The following BBX variants were observed in gnomAD, a reference collection of about 807,000 sequenced individuals.
BBX encodes the protein HMG box transcription factor BBX.
A neutral mutation model predicts 100.2 loss-of-function variants in BBX; 30 were observed. The ratio of observed to expected loss-of-function variants is 0.30; its 90% CI spans 0.22 to 0.41. The LOEUF is 0.41. BBX is among the 10% of genes least tolerant of loss of function. BBX has a pLI of 1.00. For synonymous variants in BBX, 376 were observed against 388.1 expected, an observed-to-expected ratio of 0.97 and a Z score of 0.37; for missense variants, 1,023 against 1,129.8, an observed-to-expected ratio of 0.91 and a Z score of 1.35.
At chr3:107,559,130 T>C (rs759911187) in intron 2 of BBX, among the ~76,000 whole-genome samples, 16 of 152,330 alleles carry the variant, frequency 1.1e-4, no homozygotes, top group Middle Eastern at 3.4e-3. Flanking sequence ...TTGTTCAACA[T>C]TGGTTTGAGG....
chr3:107,754,012 C>T (rs1037626848), intron 9 of BBX, among the ~76,000 whole-genome samples: 1 of 152,174 alleles, frequency 6.6e-6, no homozygotes, highest in African/African-American at 2.4e-5. Flanking sequence ...CACTGCCCTA[C>T]ACTAGCATCA....
chr3:107,596,266 G>T lies in BBX; in HGVS notation c.-83-49570G>T, dbSNP rs190960601. ...GAATGCAGGGGTTGGGGGCAGGAAT[G>T]GGGGTAGGGACTTCATGCAGTCATT... On this transcript the variant is annotated intron_variant, in intron 2 of 17. Coordinates refer to ENST00000325805, the MANE Select transcript of BBX (RefSeq NM_001142568.3). Among the ~76,000 whole-genome samples the T allele has an allele frequency of 3.9e-5, 6 of 152,228 alleles. No individual in the cohort carries two copies. In the East Asian group the frequency reaches 1.2e-3, roughly 29 times the overall value.
At chr3:107,717,000 A>G (rs2062153586) in intron 5 of BBX, 151 bp downstream of exon 5, 2 of 1,033,924 alleles carry the variant, frequency 1.9e-6, no homozygotes, top group African/African-American at 1.6e-5. Flanking sequence ...CTTTCTTTGT[A>G]TGACTTGTTC....
chr3:107,659,160 T>C (rs984435301), intron 3 of BBX, among the ~76,000 whole-genome samples: 2 of 151,942 alleles, frequency 1.3e-5, no homozygotes, highest in Non-Finnish European at 2.9e-5. Flanking sequence ...ATCAGTCTGA[T>C]GAGAGGTAGG....
chr3:107,787,074 A>G (rs2068507323), intron 13 of BBX, among the ~76,000 whole-genome samples: 1 of 152,236 alleles, frequency 6.6e-6, no homozygotes, highest in Non-Finnish European at 1.5e-5. Context: ...GGAAATGCAT[A>G]TCAAAACCAC....
chr3:107,601,197 C>G (rs957592173), intron 2 of BBX, among the ~76,000 whole-genome samples: 1 of 152,148 alleles, frequency 6.6e-6, no homozygotes, highest in Non-Finnish European at 1.5e-5. Context: ...ACTGGCCGTT[C>G]CCATCTTTCT....
intron 2 of BBX, among the ~76,000 whole-genome samples, chr3:107,554,594 A>AT (rs1477544683): frequency 6.6e-6 from 1 of 152,152 alleles, no homozygotes; most frequent in Non-Finnish European, 1.5e-5. Flanking sequence ...TAACTTATGC[A>AT]TTTTTTATTC....
chr3:107,570,348 C>T (rs1219077143), intron 2 of BBX, among the ~76,000 whole-genome samples: 3 of 151,896 alleles, frequency 2.0e-5, no homozygotes, highest in African/African-American at 4.8e-5. Context: ...TTTCTAATGT[C>T]GGGGGCGGGT....
chr3:107,669,414 G>A (rs1043349022), intron 3 of BBX, among the ~76,000 whole-genome samples: 1 of 152,076 alleles, frequency 6.6e-6, no homozygotes, highest in East Asian at 1.9e-4. Context: ...TATAGTAAAA[G>A]GCAAAGGAAG....
In BBX at chr3:107,693,262, A is replaced by G. The variant is rs538733506; in HGVS notation, c.-9-17190A>G. ...CATTGCTGTTGGTGTTTTAGACATG[A>G]AGTCCTTGTCCATGCCTATGTCCTG... is the stretch of plus-strand genomic sequence containing the variant. On this transcript the variant is annotated intron_variant, in intron 3 of 17. Coordinates refer to ENST00000325805, the MANE Select transcript of BBX (RefSeq NM_001142568.3). 4.3e-4 allele frequency among the ~76,000 whole-genome samples: 65 copies of G among 151,906 alleles called. 1 individual carries two copies. The highest frequency in any genetic ancestry group is 1.2e-3 in the South Asian group (6 of 4,824).
At chr3:107,710,413 C>T (rs2061641534) in intron 3 of BBX, 39 bp from the exon 4 acceptor site, 7 of 1,495,542 alleles carry the variant, frequency 4.7e-6, no homozygotes, top group Non-Finnish European at 6.4e-6. Context: ...CTCTTTCTCT[C>T]CCTGTTTCCC....
chr3:107,576,917 T>C (rs2051826601), intron 2 of BBX, among the ~76,000 whole-genome samples: 1 of 152,118 alleles, frequency 6.6e-6, no homozygotes, highest in African/African-American at 2.4e-5. Context: ...CTGTAGTGCA[T>C]TGGGGCGATC....
At chr3:107,696,522 G>T (rs1017791848) in intron 3 of BBX, among the ~76,000 whole-genome samples, 1 of 151,616 alleles carries the variant, frequency 6.6e-6, no homozygotes, top group African/African-American at 2.4e-5. Context: ...GTTGAATACT[G>T]GCCCCCACTC....
At chr3:107,705,938 T>C (rs2061366833) in intron 3 of BBX, among the ~76,000 whole-genome samples, 1 of 152,054 alleles carries the variant, frequency 6.6e-6, no homozygotes, top group Admixed American at 6.6e-5. Context: ...ATTTGCTTTG[T>C]ACTCTTTCCT....
At chr3:107,563,830 ATGTTTG>A (rs2050686075) in intron 2 of BBX, among the ~76,000 whole-genome samples, 1 of 152,128 alleles carries the variant, frequency 6.6e-6, no homozygotes, top group African/African-American at 2.4e-5. Context: ...CACTCAGCAA[ATGTTTG>A]TGTTTGGATA....
At chr3:107,717,128 AT>A (rs1212241562) in intron 5 of BBX, among the ~76,000 whole-genome samples, 1 of 152,142 alleles carries the variant, frequency 6.6e-6, no homozygotes, top group African/African-American at 2.4e-5. Context: ...GGATTGATTT[AT>A]TGTGAAGGTT....
At chr3:107,606,363 AAG>A (rs1368621177) in intron 2 of BBX, among the ~76,000 whole-genome samples, 1 of 152,238 alleles carries the variant, frequency 6.6e-6, no homozygotes. Context: ...TTGAAACAAA[AAG>A]GCTTCAGAAG....
chr3:107,697,093 A>T (rs1253661393), intron 3 of BBX, among the ~76,000 whole-genome samples: 1 of 143,222 alleles, frequency 7.0e-6, no homozygotes, highest in African/African-American at 2.5e-5. Context: ...CTAGTTATAC[A>T]TTCTTCTAAA....
In BBX at chr3:107,622,353, A is replaced by G. The variant is rs117078843; in HGVS notation, c.-83-23483A>G. Among the ~76,000 whole-genome samples the G allele has an allele frequency of 1.6e-3, 250 of 152,274 alleles. 10 individuals are homozygous for G. In the East Asian group the frequency reaches 0.044, roughly 27 times the overall value. ...TTTATTTACCCCTTGGGTTGTTTCT[A>G]CTTTATAGTAATTGTGAATAAATAC... On this transcript the variant is annotated intron_variant, in intron 2 of 17. Transcript: ENST00000325805.
Sources: gnomAD v4.1 joint callset for allele counts (sites outside exome capture counted in the v4.1 genomes callset) on GRCh38, gnomAD v4.1.1 for gene constraint, MANE v1.5 for transcripts, NCBI Gene and HGNC (gene_info 2026-07-23, HGNC 2026-07-21) for gene names.